ESRRG: variants seen among roughly 807,000 people sequenced by gnomAD.
The protein encoded by ESRRG is estrogen-related receptor gamma.
A neutral mutation model predicts 44.0 loss-of-function variants in ESRRG; 13 were observed. That is an observed-to-expected ratio of 0.30 (90% CI 0.19 to 0.47). The LOEUF is 0.47. ESRRG is among the 20% of genes least tolerant of loss of function. The pLI is 1.00. For missense variants in ESRRG, 395 were observed against 580.6 expected (o/e 0.68, Z 3.29); for synonymous variants, 215 against 214.6 (o/e 1.00, Z -0.02).
At chr1:217,126,241 C>A (rs992801467) in intron 1 of ESRRG, among the ~76,000 whole-genome samples, 1 of 152,094 alleles carries the variant, frequency 6.6e-6, no homozygotes, top group African/African-American at 2.4e-5. Flanking sequence ...ACCCACCCAC[C>A]CCGTAGCACC....
chr1:217,085,560 G>A (rs973314316), intron 1 of ESRRG, among the ~76,000 whole-genome samples: 2 of 128,308 alleles, frequency 1.6e-5, no homozygotes, highest in Non-Finnish European at 3.2e-5. Context: ...GCGCCATCTC[G>A]GCTGACTGCT....
chr1:216,511,160 G>C (rs1015857093), intron 6 of ESRRG, among the ~76,000 whole-genome samples: 1 of 152,094 alleles, frequency 6.6e-6, no homozygotes, highest in Non-Finnish European at 1.5e-5. Flanking sequence ...CATAAAGATG[G>C]GTAGTAAGGA....
intron 1 of ESRRG, among the ~76,000 whole-genome samples, chr1:217,020,637 G>A (rs2080147856): frequency 6.6e-6 from 1 of 152,104 alleles, no homozygotes; most frequent in Non-Finnish European, 1.5e-5. Context: ...AGGGGGGCAA[G>A]GACAAGAAGA....
At chr1:216,881,970 T>G (rs1336699917) in intron 2 of ESRRG, among the ~76,000 whole-genome samples, 6 of 49,768 alleles carry the variant, frequency 1.2e-4, no homozygotes, top group Non-Finnish European at 2.2e-4. Flanking sequence ...ATGCACTGGG[T>G]TTTTTTTTTT....
At chr1:216,867,642 A>G (rs1002919225) in intron 2 of ESRRG, among the ~76,000 whole-genome samples, 4 of 152,106 alleles carry the variant, frequency 2.6e-5, no homozygotes, top group African/African-American at 4.8e-5. Context: ...TCCAAGTCCA[A>G]TTCTGTTTAT....
intron 1 of ESRRG, among the ~76,000 whole-genome samples, chr1:216,972,780 A>T (rs143087521): frequency 6.6e-6 from 1 of 152,218 alleles, no homozygotes. Context: ...TATGTACTAC[A>T]TAAGTGCAAC....
intron 5 of ESRRG, among the ~76,000 whole-genome samples, chr1:216,535,862 C>T (rs753638031): frequency 1.6e-4 from 24 of 152,082 alleles, no homozygotes; most frequent in African/African-American, 2.4e-4. Context: ...CCCTTCACCA[C>T]GAAAATTCCT....
chr1:216,752,071 A>G (rs920807935), intron 2 of ESRRG, among the ~76,000 whole-genome samples: 3 of 152,086 alleles, frequency 2.0e-5, no homozygotes, highest in Admixed American at 6.6e-5. Flanking sequence ...AAGAAAATAG[A>G]TGTTTTCATT....
intron 1 of ESRRG, among the ~76,000 whole-genome samples, chr1:217,057,977 G>A (rs2087497074): frequency 1.3e-5 from 2 of 152,066 alleles, no homozygotes; most frequent in Admixed American, 1.3e-4. Context: ...AAAGAAAATT[G>A]AACATATGGA....
chr1:216,707,252 T>C, intron 1 of ESRRG: 2 of 1,245,044 alleles, frequency 1.6e-6, no homozygotes, highest in Non-Finnish European at 2.2e-6. Context: ...TTCTTTTCAT[T>C]AATCAGTCTA....
intron 2 of ESRRG, among the ~76,000 whole-genome samples, chr1:216,892,601 A>T (rs2057946000): frequency 6.6e-6 from 1 of 152,192 alleles, no homozygotes. Context: ...ACCTCAGTTC[A>T]TGCAGGCTGA....
chr1:216,752,978 G>A (rs555916869), intron 2 of ESRRG, among the ~76,000 whole-genome samples: 2 of 152,018 alleles, frequency 1.3e-5, no homozygotes, highest in African/African-American at 4.8e-5. Flanking sequence ...AATCTATCAA[G>A]ATTAAAAGTT....
intron 1 of ESRRG, among the ~76,000 whole-genome samples, chr1:217,014,468 T>A (rs932596261): frequency 2.0e-5 from 3 of 152,174 alleles, no homozygotes; most frequent in African/African-American, 7.2e-5. Context: ...ATTCATAACT[T>A]TTTTCTTTAA....
At chr1:216,968,921 T>G (rs1192692557) in intron 1 of ESRRG, among the ~76,000 whole-genome samples, 4 of 152,138 alleles carry the variant, frequency 2.6e-5, no homozygotes, top group Non-Finnish European at 5.9e-5. Context: ...ACAGCTCTTG[T>G]ACATATTTTC....
At chr1:216,791,540 T>C (rs2094320172) in intron 2 of ESRRG, among the ~76,000 whole-genome samples, 1 of 152,130 alleles carries the variant, frequency 6.6e-6, no homozygotes, top group Non-Finnish European at 1.5e-5. Flanking sequence ...CTGAAAAGAT[T>C]CCTTGGAAAT....
intron 3 of ESRRG, among the ~76,000 whole-genome samples, chr1:216,644,347 A>G (rs559066911): frequency 6.6e-6 from 1 of 151,940 alleles, no homozygotes; most frequent in Non-Finnish European, 1.5e-5. Flanking sequence ...TATTTTCTAG[A>G]CTTCTACAAA....
At chr1:216,837,715 C>T (rs1370148) in intron 2 of ESRRG, among the ~76,000 whole-genome samples, 39,422 of 152,058 alleles carry the variant, frequency 0.26, 5,334 homozygotes, top group African/African-American at 0.33. Flanking sequence ...ACCTTGACCA[C>T]AGCTTACAGT....
At chr1:216,615,207 A>T (rs1463009943) in intron 3 of ESRRG, among the ~76,000 whole-genome samples, 1 of 152,158 alleles carries the variant, frequency 6.6e-6, no homozygotes, top group Non-Finnish European at 1.5e-5. Context: ...TTTTCAAAAG[A>T]CTTTTGTTGA....
At chr1:216,872,503 T>G (rs958062395) in intron 2 of ESRRG, among the ~76,000 whole-genome samples, 2 of 152,182 alleles carry the variant, frequency 1.3e-5, no homozygotes, top group Admixed American at 1.3e-4. Flanking sequence ...AGTCTGGTTT[T>G]TCTCTGTTTA....
Sources: gnomAD v4.1 joint callset for allele counts (sites outside exome capture counted in the v4.1 genomes callset) on GRCh38, gnomAD v4.1.1 for gene constraint, MANE v1.5 for transcripts, NCBI Gene and HGNC (gene_info 2026-07-23, HGNC 2026-07-21) for gene names.